Variants in ERBB4 observed in about 807,000 individuals in gnomAD.
ERBB4 encodes the protein erb-b2 receptor tyrosine kinase 4.
Under a neutral mutation model 158.0 loss-of-function variants are expected in ERBB4, and 42 were observed. The ratio of observed to expected loss-of-function variants is 0.27; its 90% CI spans 0.21 to 0.34. ERBB4 has a LOEUF of 0.34. ERBB4 is among the 10% of genes least tolerant of loss of function. The pLI is 1.00. For missense variants in ERBB4, 1,333 were observed against 1,624.1 expected, an observed-to-expected ratio of 0.82 and a Z score of 3.08; for synonymous variants, 583 against 558.7, an observed-to-expected ratio of 1.04 and a Z score of -0.61.
chr2:211,986,861 T>C (rs573759309), intron 2 of ERBB4, among the ~76,000 whole-genome samples: 17 of 152,202 alleles, frequency 1.1e-4, no homozygotes, highest in Non-Finnish European at 1.8e-4. Flanking sequence ...AAGTAAAGTT[T>C]ATTTAATATT....
rs2064288491 is a variant in ERBB4 at position 211,453,032 on chromosome 2, C to G, written c.2488-21932G>C. On this transcript the variant is annotated intron_variant, in intron 20 of 27. Coordinates refer to ENST00000342788, the MANE Select transcript of ERBB4 (RefSeq NM_005235.3). ...TAGTATATTGAACTCACACAAGTCA[C>G]CTTTAATTTCTTTTCTCTACTACCA... 1.3e-5 allele frequency among the ~76,000 whole-genome samples: 2 copies of G among 152,130 alleles called. 1 individual carries two copies. Among genetic ancestry groups the G allele is most frequent in the Non-Finnish European group, 2.9e-5 (2 of 68,004 alleles).
At chr2:212,386,526 G>C (rs1237347948) in intron 1 of ERBB4, among the ~76,000 whole-genome samples, 1 of 148,842 alleles carries the variant, frequency 6.7e-6, no homozygotes, top group African/African-American at 2.5e-5. Flanking sequence ...ACACTACCAA[G>C]AGAGTTCTAT....
intron 1 of ERBB4, among the ~76,000 whole-genome samples, chr2:212,276,019 C>A (rs1266174196): frequency 6.6e-6 from 1 of 151,736 alleles, no homozygotes; most frequent in Non-Finnish European, 1.5e-5. Context: ...CAAAAATACC[C>A]TCAGATAAGT....
At chr2:211,736,398 T>C (rs2074602364) in intron 5 of ERBB4, among the ~76,000 whole-genome samples, 1 of 152,190 alleles carries the variant, frequency 6.6e-6, no homozygotes, top group South Asian at 2.1e-4. Flanking sequence ...TTCCAATGTA[T>C]CTTATTTCAA....
intron 1 of ERBB4, among the ~76,000 whole-genome samples, chr2:212,337,440 G>A (rs115291789): frequency 0.017 from 2,630 of 152,090 alleles, 81 homozygotes; most frequent in African/African-American, 0.061. Flanking sequence ...TACTTTCTAT[G>A]CAACAAATCC....
chr2:211,609,879 G>A (rs1374049785), intron 19 of ERBB4, among the ~76,000 whole-genome samples: 2 of 152,136 alleles, frequency 1.3e-5, no homozygotes, highest in Non-Finnish European at 2.9e-5. Flanking sequence ...CATTTCTTTA[G>A]TTTCTGTCAG....
At chr2:212,204,063 T>C (rs1191369410) in intron 1 of ERBB4, among the ~76,000 whole-genome samples, 3 of 152,210 alleles carry the variant, frequency 2.0e-5, no homozygotes, top group Non-Finnish European at 4.4e-5. Flanking sequence ...ATTAAATCAC[T>C]TTAATTTAAA....
chr2:211,627,864 A>G (rs1482742837), intron 17 of ERBB4, among the ~76,000 whole-genome samples: 1 of 152,192 alleles, frequency 6.6e-6, no homozygotes, highest in African/African-American at 2.4e-5. Context: ...CTTTTATGCT[A>G]GAGAACTCAG....
intron 2 of ERBB4, among the ~76,000 whole-genome samples, chr2:212,034,485 T>C (rs1280058002): frequency 3.9e-5 from 6 of 152,042 alleles, no homozygotes; most frequent in Non-Finnish European, 7.4e-5. Context: ...CCTTTAGACA[T>C]AATAATTGAT....
At chr2:211,485,301 G>A (rs1299868608) in intron 20 of ERBB4, among the ~76,000 whole-genome samples, 1 of 152,130 alleles carries the variant, frequency 6.6e-6, no homozygotes, top group Non-Finnish European at 1.5e-5. Context: ...TAAACATAAA[G>A]TCAAGATGTA....
At chr2:211,785,302 C>T (rs2076134289) in intron 4 of ERBB4, among the ~76,000 whole-genome samples, 1 of 152,026 alleles carries the variant, frequency 6.6e-6, no homozygotes, top group African/African-American at 2.4e-5. Context: ...GGGGTTTCAC[C>T]GTGTTAGCCA....
chr2:212,047,101 A>G (rs1378082864), intron 2 of ERBB4, among the ~76,000 whole-genome samples: 1 of 152,206 alleles, frequency 6.6e-6, no homozygotes, highest in Non-Finnish European at 1.5e-5. Flanking sequence ...GAGAAAAGTT[A>G]CACTGAATTT....
At chr2:211,595,481 G>C (rs1005531446) in intron 19 of ERBB4, among the ~76,000 whole-genome samples, 1 of 152,112 alleles carries the variant, frequency 6.6e-6, no homozygotes, top group Admixed American at 6.6e-5. Flanking sequence ...AGAGGGTCTT[G>C]TAAATCCTGA....
intron 2 of ERBB4, among the ~76,000 whole-genome samples, chr2:212,089,951 A>G (rs1225488856): frequency 6.6e-6 from 1 of 152,152 alleles, no homozygotes; most frequent in Non-Finnish European, 1.5e-5. Flanking sequence ...AGCCTAGTAC[A>G]AGGTGTGCTT....
chr2:211,951,455 C>T (rs1349889689), intron 2 of ERBB4, among the ~76,000 whole-genome samples: 1 of 152,030 alleles, frequency 6.6e-6, no homozygotes, highest in African/African-American at 2.4e-5. Flanking sequence ...GAAGGACCAA[C>T]TAATGCAGAA....
chr2:211,482,794 A>G (rs1360986897), intron 20 of ERBB4, among the ~76,000 whole-genome samples: 1 of 152,186 alleles, frequency 6.6e-6, no homozygotes, highest in East Asian at 1.9e-4. Context: ...AATCCCAGCT[A>G]CGCGGGAGGC....
intron 1 of ERBB4, among the ~76,000 whole-genome samples, chr2:212,225,418 T>C (rs2083439876): frequency 6.6e-6 from 1 of 152,056 alleles, no homozygotes; most frequent in South Asian, 2.1e-4. Context: ...GGCTAGAATC[T>C]GAAAAGATTC....
chr2:211,473,970 C>A (rs2064893121), intron 20 of ERBB4, among the ~76,000 whole-genome samples: 1 of 152,000 alleles, frequency 6.6e-6, no homozygotes, highest in South Asian at 2.1e-4. Context: ...AACCCATGAG[C>A]CTTTCCATTT....
intron 2 of ERBB4, among the ~76,000 whole-genome samples, chr2:212,090,023 A>C (rs556710041): frequency 6.6e-6 from 1 of 152,214 alleles, no homozygotes; most frequent in East Asian, 1.9e-4. Flanking sequence ...AAGTATGATT[A>C]CTCAGCCTCT....
Sources: allele counts gnomAD v4.1 joint callset (sites outside exome capture counted in the v4.1 genomes callset), GRCh38; gene constraint gnomAD v4.1.1; transcripts MANE v1.5; gene names NCBI Gene and HGNC (gene_info 2026-07-23, HGNC 2026-07-21).